Variants in WDR37 observed in about 807,000 individuals in gnomAD.
WDR37 encodes WD repeat domain 37, also known as WD repeat-containing protein 37.
WDR37 carries 19 observed loss-of-function variants against 62.9 expected under a neutral mutation model. The observed-to-expected ratio is 0.30, with a 90% CI of 0.21 to 0.44. The LOEUF is 0.44. WDR37 is among the 20% of genes least tolerant of loss of function. WDR37 has a pLI of 1.00. For missense variants in WDR37, 474 were observed against 657.6 expected, an observed-to-expected ratio of 0.72 and a Z score of 3.05; for synonymous variants, 250 against 260.9, an observed-to-expected ratio of 0.96 and a Z score of 0.40.
rs1042941590 is a variant in WDR37 at position 1,129,461 on chromosome 10, G to T, written c.*117G>T. 1 of 1,436,084 alleles carries T rather than the reference G, an allele frequency of 7.0e-7. No individual in the cohort carries two copies. Among genetic ancestry groups the T allele is most frequent in the African/African-American group, 1.4e-5 (1 of 70,698 alleles). The allele number at this position is 1,436,084 out of a possible 1,614,324, so 89.0% of individuals were successfully genotyped here. A position where few individuals can be genotyped will look rare whatever the true frequency, so the allele number is the denominator to read the frequency against. On this transcript the variant is annotated 3_prime_UTR_variant, in exon 14 of 14. Transcript: ENST00000263150. ...AGTTTGACCCTGGAAAGGGTGCTTTGTATATGTTCTTTTCACATAGTGCCC... is the reference window on the plus strand; with the variant it reads ...AGTTTGACCCTGGAAAGGGTGCTTTTTATATGTTCTTTTCACATAGTGCCC...
intron 13 of WDR37, among the ~76,000 whole-genome samples, chr10:1,126,490 C>CT (rs962688748): frequency 1.8e-4 from 28 of 152,148 alleles, no homozygotes; most frequent in African/African-American, 6.3e-4. Context: ...GAGGATCCCT[C>CT]TTTCCTGTCT....
At chr10:1,057,070 TC>T (rs1833202824) in intron 1 of WDR37, 102 bp downstream of exon 1, 1 of 153,244 alleles carries the variant, frequency 6.5e-6, no homozygotes, top group Non-Finnish European at 1.5e-5. Context: ...GCAGGGGCAG[TC>T]GGGGCATAGT....
chr10:1,118,706 C>T (rs1181778374), intron 11 of WDR37, among the ~76,000 whole-genome samples: 1 of 152,196 alleles, frequency 6.6e-6, no homozygotes, highest in Admixed American at 6.5e-5. Flanking sequence ...CCAATGATCC[C>T]TCAAGAACCA....
intron 10 of WDR37, among the ~76,000 whole-genome samples, chr10:1,104,232 G>A (rs1024598407): frequency 1.8e-4 from 27 of 152,314 alleles, no homozygotes; most frequent in African/African-American, 5.5e-4. Flanking sequence ...TGAGGGTGCT[G>A]CCTGGTCAGG....
intron 11 of WDR37, among the ~76,000 whole-genome samples, chr10:1,110,754 C>T (rs1056823886): frequency 6.6e-6 from 1 of 152,224 alleles, no homozygotes; most frequent in Non-Finnish European, 1.5e-5. Context: ...GGACCCTCTG[C>T]GCCGGGGGCT....
At chr10:1,078,041 A>G in intron 3 of WDR37, 38 bp downstream of exon 3, 1 of 1,475,300 alleles carries the variant, frequency 6.8e-7, no homozygotes, top group East Asian at 2.3e-5. Context: ...TTATAGCTTT[A>G]CCTATCCATA....
Position 1,121,587 on chromosome 10 carries a change from C to T in WDR37, c.1104-2631C>T, listed in dbSNP as rs1420971783. Among the ~76,000 whole-genome samples the T allele has an allele frequency of 2.0e-5, 3 of 152,184 alleles. No individual in the cohort carries two copies. The highest frequency in any genetic ancestry group is 2.9e-5 in the Non-Finnish European group (2 of 68,044). On this transcript the variant is annotated intron_variant, in intron 11 of 13. Coordinates refer to ENST00000263150, the MANE Select transcript of WDR37 (RefSeq NM_014023.4). This position sits in a 1 kb window ranked among gnomAD's most constrained non-coding sequence, Gnocchi z 4.5. ...ACCCAGGCTGGGCGTTTGCTTGTGT[C>T]CTGCCCCGTGTGATGCCGTGGTTTC...
Position 1,116,403 on chromosome 10 carries a change from G to A in WDR37, c.1104-7815G>A, listed in dbSNP as rs1421208984. Among the ~76,000 whole-genome samples, 4 of 152,002 alleles carry A rather than the reference G, an allele frequency of 2.6e-5. No individual in the cohort carries two copies. In the South Asian group the frequency reaches 6.2e-4, roughly 24 times the overall value. ...TCTCCACCCTGTCTGTCAGTCCTCC[G>A]CTGTCCCTGTGTGCACGTAGTTTTG... is the stretch of plus-strand genomic sequence containing the variant. On this transcript the variant is annotated intron_variant, in intron 11 of 13. Transcript: ENST00000263150.
intron 13 of WDR37, among the ~76,000 whole-genome samples, chr10:1,126,818 G>A (rs1835802403): frequency 6.6e-6 from 1 of 152,156 alleles, no homozygotes; most frequent in African/African-American, 2.4e-5. Flanking sequence ...CCTGAGACCG[G>A]GTGTCTCTTC....
intron 9 of WDR37, among the ~76,000 whole-genome samples, chr10:1,097,024 A>G (rs564408951): frequency 1.3e-5 from 2 of 152,350 alleles, no homozygotes; most frequent in African/African-American, 4.8e-5. Context: ...AGTGATCCTC[A>G]TTACAAAATG....
intron 7 of WDR37, among the ~76,000 whole-genome samples, chr10:1,087,770 C>T (rs1309094089): frequency 1.3e-5 from 2 of 152,208 alleles, no homozygotes; most frequent in Non-Finnish European, 2.9e-5. Context: ...GCATTGACTT[C>T]AGCTGAAAGT....
chr10:1,107,876 T>C (rs10736941), intron 11 of WDR37, among the ~76,000 whole-genome samples: 61,214 of 151,298 alleles, frequency 0.4, 12,674 homozygotes, highest in East Asian at 0.56. Context: ...CACCTAGGTT[T>C]GCCTGTTGTT....
chr10:1,057,088 TG>T (rs1833203537), intron 1 of WDR37, 120 bp downstream of exon 1: 1 of 152,818 alleles, frequency 6.5e-6, no homozygotes, highest in African/African-American at 2.4e-5. Context: ...TAGTGGCGGA[TG>T]GGGTGCAGGT....
At chr10:1,069,031 G>A (rs2131611329) in intron 1 of WDR37, among the ~76,000 whole-genome samples, 1 of 152,222 alleles carries the variant, frequency 6.6e-6, no homozygotes, top group African/African-American at 2.4e-5. Flanking sequence ...GTTGCCTAGG[G>A]CTAGCTGGGA....
chr10:1,090,803 G>C (rs1834359182), intron 7 of WDR37, among the ~76,000 whole-genome samples: 1 of 152,172 alleles, frequency 6.6e-6, no homozygotes, highest in African/African-American at 2.4e-5. Flanking sequence ...CAGTGCCTTT[G>C]ACACTGGATG....
At chr10:1,078,639 G>T (rs1833944775) in intron 3 of WDR37, among the ~76,000 whole-genome samples, 1 of 152,148 alleles carries the variant, frequency 6.6e-6, no homozygotes, top group South Asian at 2.1e-4. Flanking sequence ...CCTTTGCGCT[G>T]CTCTATTACT....
chr10:1,109,456 G>C (rs909081906), intron 11 of WDR37, among the ~76,000 whole-genome samples: 1 of 152,238 alleles, frequency 6.6e-6, no homozygotes, highest in South Asian at 2.1e-4. Flanking sequence ...GCTGGGCGCG[G>C]TGGCTCACGC....
Position 1,103,785 on chromosome 10 carries a change from A to ACGG in WDR37, c.912_914dup (p.Ala305dup). 1.9e-6 allele frequency: 3 copies of ACGG among 1,614,148 alleles called. No homozygotes were observed. Among genetic ancestry groups the ACGG allele is most frequent in the Non-Finnish European group, 2.5e-6 (3 of 1,180,026 alleles). ...GGCTGTGACTGCCTCCTGGGACCGG[A>ACGG]CGGCAAACCTGTACGACGTGGAGAC... On this transcript the variant is annotated inframe_insertion, in exon 10 of 14. Transcript: ENST00000263150. The surrounding 1 kb of genome is among the most constrained non-coding windows in gnomAD (Gnocchi z 6.3).
At chr10:1,100,037 T>A (rs1184664510) in intron 9 of WDR37, among the ~76,000 whole-genome samples, 1 of 152,246 alleles carries the variant, frequency 6.6e-6, no homozygotes, top group Non-Finnish European at 1.5e-5. Flanking sequence ...TGGATTGTTT[T>A]CCAAATAAAA....
Sources: allele counts gnomAD v4.1 joint callset (sites outside exome capture counted in the v4.1 genomes callset), GRCh38; gene constraint gnomAD v4.1.1; non-coding constraint Gnocchi (gnomAD v3.1); transcripts MANE v1.5; gene names NCBI Gene and HGNC (gene_info 2026-07-23, HGNC 2026-07-21).